Variants in MYCT1 observed in about 807,000 individuals in gnomAD.
MYCT1 encodes myc target protein 1.
Under a neutral mutation model 15.0 loss-of-function variants are expected in MYCT1, and 12 were observed. The observed-to-expected ratio is 0.80, with a 90% CI of 0.51 to 1.29. MYCT1 has a LOEUF of 1.29. Ranked by LOEUF, MYCT1 falls within the 50% of genes most tolerant of loss-of-function variation. MYCT1 has a pLI of 0.00. For synonymous variants in MYCT1, 104 were observed against 102.7 expected (o/e 1.01, Z -0.07); for missense variants, 287 against 279.1 (o/e 1.03, Z -0.20).
intron 1 of MYCT1, among the ~76,000 whole-genome samples, chr6:152,701,235 G>A (rs1352363588): frequency 3.9e-5 from 6 of 152,092 alleles, no homozygotes; most frequent in Admixed American, 3.3e-4. Flanking sequence ...ACTCAGAAGC[G>A]TTCGCTGACC....
At chr6:152,713,603 G>A (rs2099723113) in intron 1 of MYCT1, among the ~76,000 whole-genome samples, 1 of 152,056 alleles carries the variant, frequency 6.6e-6, no homozygotes, top group South Asian at 2.1e-4. Flanking sequence ...CCTGTCCCTT[G>A]GGCAGCAGCT....
intron 1 of MYCT1, among the ~76,000 whole-genome samples, chr6:152,699,905 C>T (rs773582482): frequency 2.6e-5 from 4 of 152,034 alleles, no homozygotes; most frequent in Non-Finnish European, 4.4e-5. Flanking sequence ...TATTTCAAAG[C>T]CAAATACTAG....
chr6:152,738,316 C>T, the MYCT1 span, among the ~76,000 whole-genome samples: 4 of 152,038 alleles, frequency 2.6e-5, no homozygotes, highest in East Asian at 7.7e-4. Context: ...ATACTTTCAG[C>T]AAGTAAAATG....
At chr6:152,706,836 A>G (rs2099722352) in intron 1 of MYCT1, among the ~76,000 whole-genome samples, 1 of 138,410 alleles carries the variant, frequency 7.2e-6, no homozygotes, top group South Asian at 2.4e-4. Context: ...TTTCCATTAT[A>G]GAAACCATAT....
intron 1 of MYCT1, among the ~76,000 whole-genome samples, chr6:152,708,399 G>T (rs1583968390): frequency 6.6e-6 from 1 of 152,030 alleles, no homozygotes; most frequent in Admixed American, 6.6e-5. Context: ...CAAGCTAATA[G>T]CTGAGTGCAT....
At chr6:152,698,454 T>G (rs1455563153) in intron 1 of MYCT1, among the ~76,000 whole-genome samples, 1 of 152,088 alleles carries the variant, frequency 6.6e-6, no homozygotes, top group Non-Finnish European at 1.5e-5. Flanking sequence ...GAATATGGCA[T>G]GTAGATTTTG....
intron 1 of MYCT1, among the ~76,000 whole-genome samples, chr6:152,706,847 A>ATGTGTG (rs4034690): frequency 3.0e-4 from 45 of 148,308 alleles, no homozygotes; most frequent in South Asian, 3.0e-3. Context: ...GAAACCATAT[A>ATGTGTG]TGTGTGTGTG....
chr6:152,723,710 C>T lies in MYCT1; in HGVS notation c.*1457C>T, dbSNP rs758311662. ...GCTGCCCTTGTAAGGAAGAATGCAT[C>T]CCTAAATGTGGCCACCAGAGAGTTC... On this transcript the variant is annotated 3_prime_UTR_variant, in exon 2 of 2. Transcript: ENST00000367245. 1.3e-5 allele frequency: 2 copies of T among 152,202 alleles called. No homozygotes were observed. The highest frequency in any genetic ancestry group is 2.1e-4 in the South Asian group (1 of 4,828). The allele number at this position is 152,202 out of a possible 1,614,324, so 9.4% of individuals were successfully genotyped here. A position where few individuals can be genotyped will look rare whatever the true frequency, so the allele number is the denominator to read the frequency against.
chr6:152,742,516 C>A, the MYCT1 span, among the ~76,000 whole-genome samples: 1 of 151,976 alleles, frequency 6.6e-6, no homozygotes, highest in African/African-American at 2.4e-5. Context: ...CAATAGGGAA[C>A]CACAGAAAGA....
At chr6:152,718,669 C>A (rs1320497771) in intron 1 of MYCT1, among the ~76,000 whole-genome samples, 2 of 151,940 alleles carry the variant, frequency 1.3e-5, no homozygotes, top group African/African-American at 4.8e-5. Context: ...TTGGGAATAT[C>A]TGATTTGTCA....
the MYCT1 span, among the ~76,000 whole-genome samples, chr6:152,738,379 A>G: frequency 6.6e-6 from 1 of 152,198 alleles, no homozygotes; most frequent in Non-Finnish European, 1.5e-5. Context: ...ATTGTAATAA[A>G]CTTACAATTA....
the MYCT1 span, among the ~76,000 whole-genome samples, chr6:152,742,926 G>A: frequency 6.6e-6 from 1 of 152,192 alleles, no homozygotes; most frequent in African/African-American, 2.4e-5. Context: ...GCCAAGAATA[G>A]TCCTTGTGAA....
rs2099724891 is a variant in MYCT1, at chr6:152,722,504, G to A, written c.*251G>A. On this transcript the variant is annotated 3_prime_UTR_variant, in exon 2 of 2. Coordinates refer to ENST00000367245, the MANE Select transcript of MYCT1 (RefSeq NM_025107.3). The stretch of plus-strand genomic sequence containing the variant: ...TTATGTATTTTGTATTCAATGTGAG[G>A]CTTATTAAAAATAGTGATTCTAATG... 14 of 396,046 alleles carry A rather than the reference G, an allele frequency of 3.5e-5. No homozygotes were observed. In the South Asian group the frequency reaches 5.8e-4, roughly 16 times the overall value. The allele number at this position is 396,046 out of a possible 1,614,324, so 24.5% of individuals were successfully genotyped here.
rs1183752648 is a variant in MYCT1, at chr6:152,723,634, C to G, written c.*1381C>G. 1.3e-5 allele frequency: 2 copies of G among 152,174 alleles called. No homozygotes were observed. Among genetic ancestry groups the G allele is most frequent in the African/African-American group, 4.8e-5 (2 of 41,430 alleles). 9.4% of individuals were successfully genotyped at this position (152,174 alleles called of 1,614,324 possible). The stretch of plus-strand genomic sequence containing the variant: ...GAGTCTGTACAGTGATTAAGCCATG[C>G]CAGATGGTCTTTGGTGCACACAGTT... On this transcript the variant is annotated 3_prime_UTR_variant, in exon 2 of 2. Coordinates refer to ENST00000367245, the MANE Select transcript of MYCT1 (RefSeq NM_025107.3).
chr6:152,715,242 G>A (rs9371262), intron 1 of MYCT1, among the ~76,000 whole-genome samples: 8,911 of 152,086 alleles, frequency 0.059, 395 homozygotes, highest in East Asian at 0.17. Context: ...TCCATTGTAC[G>A]CTTGCTCTCA....
chr6:152,720,754 G>A (rs9384039), intron 1 of MYCT1, among the ~76,000 whole-genome samples: 19,460 of 152,044 alleles, frequency 0.13, 1,709 homozygotes, highest in East Asian at 0.34. Context: ...TCATGGAGGG[G>A]AAACGTTGGG....
the MYCT1 span, among the ~76,000 whole-genome samples, chr6:152,730,037 A>G: frequency 6.6e-6 from 1 of 152,370 alleles, no homozygotes; most frequent in Non-Finnish European, 1.5e-5. Flanking sequence ...AATCACATTG[A>G]AATTCTTAAT....
chr6:152,717,164 A>C (rs758226989), intron 1 of MYCT1, among the ~76,000 whole-genome samples: 17 of 143,404 alleles, frequency 1.2e-4, no homozygotes, highest in Non-Finnish European at 2.4e-4. Flanking sequence ...ATCATCAACT[A>C]TAATTAAATG....
chr6:152,713,669 C>T (rs928760379), intron 1 of MYCT1, among the ~76,000 whole-genome samples: 10 of 152,034 alleles, frequency 6.6e-5, no homozygotes, highest in East Asian at 1.9e-4. Flanking sequence ...ATACATCCCA[C>T]GTATGTGTGA....
Sources: allele counts gnomAD v4.1 joint callset (sites outside exome capture counted in the v4.1 genomes callset), GRCh38; gene constraint gnomAD v4.1.1; transcripts MANE v1.5; gene names NCBI Gene and HGNC (gene_info 2026-07-23, HGNC 2026-07-21).